Variants in ACYP2 observed in about 807,000 individuals in gnomAD.
The protein encoded by ACYP2 is acylphosphatase 2, also known as acylphosphatase-2.
Under a neutral mutation model 11.2 loss-of-function variants are expected in ACYP2, and 12 were observed. The ratio of observed to expected loss-of-function variants is 1.08; its 90% CI spans 0.69 to 1.74. ACYP2 has a LOEUF of 1.74. ACYP2 is among the 40% of genes most tolerant of loss of function. The pLI, the probability that ACYP2 is intolerant of heterozygous loss-of-function variation, is 0.00. For missense variants in ACYP2, 134 were observed against 101.9 expected (o/e 1.31, Z -1.35); for synonymous variants, 43 against 32.2 (o/e 1.33, Z -1.13).
intron 4 of ACYP2, among the ~76,000 whole-genome samples, chr2:54,135,210 T>G (rs1447928535): frequency 6.6e-6 from 1 of 152,152 alleles, no homozygotes; most frequent in Non-Finnish European, 1.5e-5. Flanking sequence ...AATTCATGGG[T>G]GGGACAGCAT....
Position 54,243,293 on chromosome 2 carries a change from C to G in ACYP2, c.405-61395C>G, listed in dbSNP as rs1275398185. Among the ~76,000 whole-genome samples the G allele has an allele frequency of 2.0e-5, 3 of 152,098 alleles. No homozygotes were observed. In the East Asian group the frequency reaches 5.8e-4, roughly 29 times the overall value. ...CTAGATGGTAGAGCCTACTACACAC[C>G]TAGGATGTGTGGTATAGCCTATTGC... On this transcript the variant is annotated intron_variant, in intron 6 of 6. Coordinates refer to ENST00000607452, the MANE Select transcript of ACYP2 (RefSeq NM_001320586.2).
At chr2:53,992,830 CAAAA>C (rs535748279) in intron 2 of ACYP2, among the ~76,000 whole-genome samples, 1 of 100,712 alleles carries the variant, frequency 9.9e-6, no homozygotes. Context: ...AACTCCATCT[CAAAA>C]AAAAAAAAAA....
chr2:54,140,588 G>T (rs1451628708), intron 6 of ACYP2, among the ~76,000 whole-genome samples: 1 of 151,640 alleles, frequency 6.6e-6, no homozygotes, highest in Admixed American at 6.6e-5. Context: ...TTCAATATTT[G>T]CTTTTTAAAA....
At chr2:54,297,613 T>C (rs931843776) in intron 6 of ACYP2, among the ~76,000 whole-genome samples, 2 of 152,194 alleles carry the variant, frequency 1.3e-5, no homozygotes, top group Non-Finnish European at 2.9e-5. Flanking sequence ...AGTGGTTTAC[T>C]GGCAACCCCA....
At chr2:54,078,917 A>G (rs543044209) in intron 4 of ACYP2, among the ~76,000 whole-genome samples, 136 of 152,302 alleles carry the variant, frequency 8.9e-4, no homozygotes, top group Non-Finnish European at 4.7e-4. Flanking sequence ...TTTTTAACTT[A>G]TGATGTCAAA....
At chr2:54,181,179 A>T (rs555812634) in intron 6 of ACYP2, among the ~76,000 whole-genome samples, 2 of 152,316 alleles carry the variant, frequency 1.3e-5, no homozygotes, top group Admixed American at 1.3e-4. Flanking sequence ...TACCATTAAC[A>T]TTTCTCAAGG....
At chr2:54,012,304 A>C (rs1193980200) in intron 2 of ACYP2, among the ~76,000 whole-genome samples, 1 of 151,904 alleles carries the variant, frequency 6.6e-6, no homozygotes, top group Non-Finnish European at 1.5e-5. Context: ...TTAGGAGTTC[A>C]AGACCAGTCT....
chr2:54,092,851 G>A (rs1193440383), intron 4 of ACYP2, among the ~76,000 whole-genome samples: 1 of 152,202 alleles, frequency 6.6e-6, no homozygotes, highest in Non-Finnish European at 1.5e-5. Context: ...CTGGCTGCCA[G>A]AAGTACTGGC....
intron 6 of ACYP2, among the ~76,000 whole-genome samples, chr2:54,204,130 G>A (rs1276304631): frequency 6.6e-6 from 1 of 152,098 alleles, no homozygotes; most frequent in African/African-American, 2.4e-5. Context: ...GAGTAGCTGG[G>A]ACTACAGGCA....
chr2:53,990,504 C>T (rs1672235936), intron 2 of ACYP2, among the ~76,000 whole-genome samples: 1 of 151,236 alleles, frequency 6.6e-6, no homozygotes, highest in Admixed American at 6.6e-5. Context: ...CAAAAATTAG[C>T]TGGGCGTGGT....
chr2:54,104,040 A>G (rs964884593), intron 4 of ACYP2, among the ~76,000 whole-genome samples: 9 of 152,270 alleles, frequency 5.9e-5, no homozygotes, highest in Admixed American at 1.3e-4. Context: ...ACAAGAAAGC[A>G]GGCAGCCAGT....
chr2:54,131,630 G>A (rs1002097536), intron 4 of ACYP2, among the ~76,000 whole-genome samples: 7 of 152,126 alleles, frequency 4.6e-5, no homozygotes, highest in African/African-American at 1.7e-4. Flanking sequence ...AGGCAACAAT[G>A]ACATGCAAAT....
intron 4 of ACYP2, among the ~76,000 whole-genome samples, chr2:54,113,107 A>C (rs1428794511): frequency 6.6e-6 from 1 of 152,184 alleles, no homozygotes; most frequent in East Asian, 1.9e-4. Flanking sequence ...ACATACATAC[A>C]CATATTGTCC....
At chr2:54,066,584 A>G (rs1273411966) in intron 4 of ACYP2, among the ~76,000 whole-genome samples, 2 of 152,190 alleles carry the variant, frequency 1.3e-5, no homozygotes, top group Admixed American at 1.3e-4. Context: ...ATGTGCCATA[A>G]AATCATCTGA....
At chr2:54,165,283 T>G (rs551395174) in intron 6 of ACYP2, among the ~76,000 whole-genome samples, 2 of 152,308 alleles carry the variant, frequency 1.3e-5, no homozygotes, top group African/African-American at 2.4e-5. Flanking sequence ...CTTTTTGGTT[T>G]TGTATCTCCT....
intron 3 of ACYP2, among the ~76,000 whole-genome samples, chr2:54,054,156 G>C (rs528966341): frequency 6.6e-6 from 1 of 152,252 alleles, no homozygotes; most frequent in Non-Finnish European, 1.5e-5. Flanking sequence ...ACCCAGAGCT[G>C]GTAAGGGTTT....
chr2:54,146,567 G>C (rs995092454), intron 6 of ACYP2, among the ~76,000 whole-genome samples: 2 of 151,602 alleles, frequency 1.3e-5, no homozygotes, highest in African/African-American at 4.9e-5. Context: ...GAGCCACCAT[G>C]CCCGGCCCCT....
chr2:54,215,746 A>C (rs1019197012), intron 6 of ACYP2, among the ~76,000 whole-genome samples: 1 of 152,164 alleles, frequency 6.6e-6, no homozygotes, highest in Admixed American at 6.5e-5. Context: ...CATGTCAGTA[A>C]ATATATTTCC....
chr2:54,219,815 G>GTGTGTGTATATA (rs1462247283), intron 6 of ACYP2, among the ~76,000 whole-genome samples: 63 of 111,124 alleles, frequency 5.7e-4, no homozygotes, highest in African/African-American at 1.8e-3. Context: ...GTGTGTTTGT[G>GTGTGTGTATATA]TATGTGTGTG....
Sources: allele counts gnomAD v4.1 joint callset (sites outside exome capture counted in the v4.1 genomes callset), GRCh38; gene constraint gnomAD v4.1.1; transcripts MANE v1.5; gene names NCBI Gene and HGNC (gene_info 2026-07-23, HGNC 2026-07-21).